The following AGO1 variants were observed in gnomAD, a reference collection of about 807,000 sequenced individuals.
AGO1 encodes argonaute RISC component 1, also known as protein argonaute-1.
A neutral mutation model predicts 109.2 loss-of-function variants in AGO1; 11 were observed. That is an observed-to-expected ratio of 0.10 (90% CI 0.06 to 0.17). The LOEUF is 0.17. AGO1 is among the 10% of genes least tolerant of loss of function. AGO1 has a pLI of 1.00. For synonymous variants in AGO1, 422 were observed against 418.6 expected (o/e 1.01, Z -0.10); for missense variants, 574 against 1,140.3 (o/e 0.50, Z 7.15).
chr1:35,900,019 T>C (rs988460260), intron 8 of AGO1, among the ~76,000 whole-genome samples: 2 of 152,188 alleles, frequency 1.3e-5, no homozygotes, highest in Non-Finnish European at 2.9e-5. Context: ...GAATATAGTA[T>C]ATTGGGGAGT....
intron 17 of AGO1, 66 bp downstream of exon 17, chr1:35,918,489 G>A (rs1645774598): frequency 1.7e-6 from 2 of 1,186,882 alleles, no homozygotes; most frequent in Admixed American, 3.4e-5. Flanking sequence ...ATTGCCTCTA[G>A]AATGTATCAG....
chr1:35,900,966 C>G (rs1040107948), intron 8 of AGO1, among the ~76,000 whole-genome samples: 12 of 150,760 alleles, frequency 8.0e-5, no homozygotes, highest in African/African-American at 2.9e-4. Flanking sequence ...CTCTGGATCA[C>G]AAGCGGTTGA....
At position 35,918,523 on chromosome 1, in the gene AGO1, T is replaced by G; in HGVS notation, c.2265+100T>G. On this transcript the variant is annotated intron_variant, in intron 17 of 18. Transcript: ENST00000373204. ...AGTCATCACTGAATGACATCCAAAT[T>G]AGGATTGCTCTCTTTTCTGTTTGTT... The G allele has an allele frequency of 3.1e-6, 3 of 973,680 alleles. No individual in the cohort carries two copies. The South Asian group carries it at 3.9e-5, about 13-fold the overall frequency. 60.3% of individuals were successfully genotyped at this position (973,680 alleles called of 1,614,324 possible). A position where few individuals can be genotyped will look rare whatever the true frequency, so the allele number is the denominator to read the frequency against.
At chr1:35,896,004 C>CTTTTT (rs546982959) in intron 8 of AGO1, among the ~76,000 whole-genome samples, 2,098 of 146,346 alleles carry the variant, frequency 0.014, 46 homozygotes, top group African/African-American at 0.048. Context: ...GAATCAGAAT[C>CTTTTT]TTTTTTTTTT....
chr1:35,905,150 G>C (rs114817834), intron 11 of AGO1, among the ~76,000 whole-genome samples: 1,734 of 152,226 alleles, frequency 0.011, 33 homozygotes, highest in African/African-American at 0.04. Flanking sequence ...GAGAAGATTG[G>C]AAATAACGTC....
At chr1:35,899,296 G>C (rs181485075) in intron 8 of AGO1, among the ~76,000 whole-genome samples, 1 of 152,134 alleles carries the variant, frequency 6.6e-6, no homozygotes, top group African/African-American at 2.4e-5. Flanking sequence ...TCTATCCATG[G>C]ATACTTGGGT....
intron 8 of AGO1, 67 bp downstream of exon 8, chr1:35,895,336 C>G: frequency 6.7e-7 from 1 of 1,490,816 alleles, no homozygotes; most frequent in South Asian, 1.3e-5. Flanking sequence ...CATCAGATGT[C>G]TGTTCTTTCA....
rs754370001 is a variant in AGO1, at chr1:35,915,476, C to T, written c.1962C>T (p.Ser654=). Residue 654 remains serine (S), a synonymous_variant, in exon 15 of 19, where the codon TCC becomes TCT. Transcript: ENST00000373204. The stretch of plus-strand genomic sequence containing the variant: ...AGCTCCTCATCCAATTCTACAAGTC[C>T]ACCCGTTTCAAGCCTACCCGCATCA... ...VRELLIQFYK[S]TRFKPTRIIF... The T allele has an allele frequency of 5.0e-6, 8 of 1,614,110 alleles. No individual in the cohort carries two copies. Among genetic ancestry groups the T allele is most frequent in the Non-Finnish European group, 6.8e-6 (8 of 1,180,022 alleles).
intron 1 of AGO1, among the ~76,000 whole-genome samples, chr1:35,874,239 C>T (rs902068963): frequency 1.2e-4 from 19 of 152,204 alleles, no homozygotes; most frequent in Non-Finnish European, 2.4e-4. Flanking sequence ...ATGATCATGG[C>T]TCACTGCAGC....
Position 35,921,945 on chromosome 1 carries a change from T to C in AGO1, c.*2338T>C, listed in dbSNP as rs940101447. ...CCCTGTCCATTGCCTTCATATACAGTCTACTTCGTGTTCTGTCACCCTTTG... is the reference window on the plus strand; with the variant it reads ...CCCTGTCCATTGCCTTCATATACAGCCTACTTCGTGTTCTGTCACCCTTTG... On this transcript the variant is annotated 3_prime_UTR_variant, in exon 19 of 19. Coordinates refer to ENST00000373204, the MANE Select transcript of AGO1 (RefSeq NM_012199.5). 2.0e-5 allele frequency: 3 copies of C among 152,764 alleles called. No homozygotes were observed. The highest frequency in any genetic ancestry group is 7.2e-5 in the African/African-American group (3 of 41,474). The allele number at this position is 152,764 out of a possible 1,614,324, so 9.5% of individuals were successfully genotyped here. A position where few individuals can be genotyped will look rare whatever the true frequency, so the allele number is the denominator to read the frequency against.
chr1:35,926,037 G>A lies in AGO1; in HGVS notation c.*6430G>A, dbSNP rs901028900. On this transcript the variant is annotated 3_prime_UTR_variant, in exon 19 of 19. Transcript: ENST00000373204. The stretch of plus-strand genomic sequence containing the variant: ...GCCCCATGCTTCTTTTCAGCAGCAA[G>A]GGTTAGGGAGGTTGGTTGAACTTGA... 1 of 150,652 alleles carries A rather than the reference G, an allele frequency of 6.6e-6. No individual in the cohort carries two copies. Among genetic ancestry groups the A allele is most frequent in the African/African-American group, 2.4e-5 (1 of 41,190 alleles). 9.3% of individuals were successfully genotyped at this position (150,652 alleles called of 1,614,324 possible). A position where few individuals can be genotyped will look rare whatever the true frequency, so the allele number is the denominator to read the frequency against.
Position 35,888,670 on chromosome 1 carries a change from A to G in AGO1, c.209+60A>G. ...AGACACCAACCTTGAAAGAGGGGCC[A>G]GAAAGGTAAAAGAAAAACCAGTAGA... On this transcript the variant is annotated intron_variant, in intron 2 of 18. Transcript: ENST00000373204. The surrounding 1 kb of genome is among the most constrained non-coding windows in gnomAD (Gnocchi z 4.1). 6.3e-7 allele frequency: 1 copy of G among 1,585,148 alleles called. No individual in the cohort carries two copies. The highest frequency in any genetic ancestry group is 8.6e-7 in the Non-Finnish European group (1 of 1,161,966).
In AGO1 at chr1:35,892,465, T is replaced by C. The variant is rs534820509; in HGVS notation, c.210-92T>C. 1.4e-5 allele frequency: 21 copies of C among 1,548,640 alleles called. No individual in the cohort carries two copies. In the South Asian group the frequency reaches 2.4e-4, roughly 18 times the overall value. The stretch of plus-strand genomic sequence containing the variant: ...GAGTAGATGTTAGGAGTGAGTATAA[T>C]AGATGGGACATTGCCTGGACTTTGA... On this transcript the variant is annotated intron_variant, in intron 2 of 18. Coordinates refer to ENST00000373204, the MANE Select transcript of AGO1 (RefSeq NM_012199.5).
At chr1:35,896,893 G>A (rs1645330431) in intron 8 of AGO1, among the ~76,000 whole-genome samples, 1 of 152,174 alleles carries the variant, frequency 6.6e-6, no homozygotes, top group South Asian at 2.1e-4. Context: ...GTAGATAGTA[G>A]GTGATATTTA....
intron 8 of AGO1, among the ~76,000 whole-genome samples, chr1:35,896,089 T>A (rs1464562800): frequency 1.3e-5 from 2 of 152,118 alleles, no homozygotes; most frequent in Non-Finnish European, 2.9e-5. Flanking sequence ...AACCTCTGCC[T>A]CCCGGGTTCA....
intron 2 of AGO1, among the ~76,000 whole-genome samples, chr1:35,891,473 T>C (rs1166115965): frequency 2.0e-5 from 3 of 152,246 alleles, no homozygotes; most frequent in African/African-American, 7.2e-5. Flanking sequence ...TTTTTGCTTA[T>C]CAGATCTGGG....
At chr1:35,894,505 C>T in intron 7 of AGO1, 103 bp downstream of exon 7, 3 of 1,161,846 alleles carry the variant, frequency 2.6e-6, no homozygotes, top group Non-Finnish European at 2.5e-6. Flanking sequence ...TGAGAATGAG[C>T]CTTGGGGACT....
rs1051688201 is a variant in AGO1, at chr1:35,929,128, G to A, written c.*9521G>A. 1.4e-4 allele frequency: 22 copies of A among 152,294 alleles called. No individual in the cohort carries two copies. Among genetic ancestry groups the A allele is most frequent in the Admixed American group, 1.1e-3 (17 of 15,290 alleles). The allele number at this position is 152,294 out of a possible 1,614,324, so 9.4% of individuals were successfully genotyped here. ...ATGACCCTGCTCTGTACCCTTAAGA[G>A]CAGACTCAGTTGGGAATGAGTTATC... On this transcript the variant is annotated 3_prime_UTR_variant, in exon 19 of 19. Coordinates refer to ENST00000373204, the MANE Select transcript of AGO1 (RefSeq NM_012199.5).
chr1:35,912,360 GAAAAAAAAAAAA>G (rs753525049), intron 12 of AGO1, among the ~76,000 whole-genome samples: 1 of 40,612 alleles, frequency 2.5e-5, no homozygotes, highest in African/African-American at 7.8e-5. Context: ...CTCTGTCTCA[GAAAAAAAAAAAA>G]AAAAAAAAAA....
Sources: allele counts gnomAD v4.1 joint callset (sites outside exome capture counted in the v4.1 genomes callset), GRCh38; gene constraint gnomAD v4.1.1; non-coding constraint Gnocchi (gnomAD v3.1); transcripts MANE v1.5; gene names NCBI Gene and HGNC (gene_info 2026-07-23, HGNC 2026-07-21).